The following ZNF730 variants were observed in gnomAD, a reference collection of about 807,000 sequenced individuals.
The protein encoded by ZNF730 is putative zinc finger protein 730.
ZNF730 carries 12 observed loss-of-function variants against 12.6 expected under a neutral mutation model. The observed-to-expected ratio is 0.95, with a 90% confidence interval of 0.61 to 1.54. The LOEUF (loss-of-function observed/expected upper bound fraction) is 1.54, where lower values mean the gene tolerates loss of function less well. Among genes scored for constraint, ZNF730 ranks in the 40% most tolerant of loss-of-function variants. The pLI, the probability that ZNF730 is intolerant of heterozygous loss-of-function variation, is 0.00. For synonymous variants in ZNF730, 194 were observed against 195.8 expected (o/e 0.99, Z 0.08); for missense variants, 643 against 583.5 (o/e 1.10, Z -1.05).
chr19:23,120,716 A>ATCTTCTTGTCT (rs1568311496), intron 1 of ZNF730, among the ~76,000 whole-genome samples: 1 of 151,884 alleles, frequency 6.6e-6, no homozygotes, highest in East Asian at 1.9e-4. Flanking sequence ...ATCAGTTCAG[A>ATCTTCTTGTCT]TCTTCTTGTC....
chr19:23,105,697 T>G (rs1002470946), intron 1 of ZNF730, among the ~76,000 whole-genome samples: 1 of 152,200 alleles, frequency 6.6e-6, no homozygotes, highest in Non-Finnish European at 1.5e-5. Flanking sequence ...TCCTAGGTCA[T>G]TACTAAAGCA....
chr19:23,093,199 C>T (rs1347614061), intron 1 of ZNF730, among the ~76,000 whole-genome samples: 1 of 152,178 alleles, frequency 6.6e-6, no homozygotes, highest in Non-Finnish European at 1.5e-5. Context: ...TGTTCTCGAA[C>T]TCCTGATCTC....
At chr19:23,139,682 G>A (rs1970886228) in intron 3 of ZNF730, among the ~76,000 whole-genome samples, 1 of 151,960 alleles carries the variant, frequency 6.6e-6, no homozygotes, top group African/African-American at 2.4e-5. Flanking sequence ...CTGCCACCAT[G>A]CCTGGCTAAT....
chr19:23,134,158 T>A lies in ZNF730; in HGVS notation c.82T>A (p.Leu28Ile), dbSNP rs770482750. ...ATGTCTGGACACCGAACAACAGAATTTATATAGAAATGTAATGTTAGATAA... is the reference window on the plus strand; with the variant it reads ...ATGTCTGGACACCGAACAACAGAATATATATAGAAATGTAATGTTAGATAA... ...WQCLDTEQQN[L>I]YRNVMLDNYR... is the part of the protein sequence containing the mutation. The change falls in exon 2 of 4, where the codon TTA becomes ATA. Residue 28 changes from leucine (L) to isoleucine (I), a missense_variant. By Grantham distance (5) the Leu-to-Ile change is conservative (BLOSUM62 2). Transcript: ENST00000597761. 1 of 1,612,946 alleles carries A rather than the reference T, an allele frequency of 6.2e-7. No individual in the cohort carries two copies. The highest frequency in any genetic ancestry group is 1.1e-5 in the South Asian group (1 of 90,838).
chr19:23,134,786 G>A (rs1215861979), intron 2 of ZNF730, among the ~76,000 whole-genome samples: 6 of 138,302 alleles, frequency 4.3e-5, no homozygotes, highest in Non-Finnish European at 6.3e-5. Context: ...ATAGAAAGGC[G>A]GGAAGAGTGG....
intron 1 of ZNF730, among the ~76,000 whole-genome samples, chr19:23,120,445 A>AT (rs1462601930): frequency 9.4e-5 from 14 of 148,526 alleles, no homozygotes; most frequent in Admixed American, 2.7e-4. Flanking sequence ...TTTTTTTTAG[A>AT]TTTTCTAGTT....
At position 23,146,013 on chromosome 19, in the gene ZNF730, G is replaced by A. The variant is rs1204020278; in HGVS notation, c.969G>A (p.Trp323Ter). Residue 323 changes from tryptophan to a stop codon, truncating the protein, a stop_gained, in exon 4 of 4, where the codon TGG becomes TGA. Coordinates refer to ENST00000597761, the MANE Select transcript of ZNF730 (RefSeq NM_001277403.2). LOFTEE classifies it low-confidence loss of function (END_TRUNC). ...KCEKCGKAFK[W>*]SSTLTKHKRI... is the part of the protein sequence containing the mutation. Reference sequence around the variant, plus strand: ...AAAAATGTGGCAAAGCTTTTAAGTGGTCCTCAACCCTTACAAAACATAAAA... The same window carrying A: ...AAAAATGTGGCAAAGCTTTTAAGTGATCCTCAACCCTTACAAAACATAAAA... 2 of 1,606,114 alleles carry A rather than the reference G, an allele frequency of 1.2e-6. No homozygotes were observed. Among genetic ancestry groups the A allele is most frequent in the African/African-American group, 1.4e-5 (1 of 74,022 alleles).
intron 1 of ZNF730, among the ~76,000 whole-genome samples, chr19:23,094,342 G>A (rs1305169239): frequency 6.7e-6 from 1 of 149,058 alleles, no homozygotes; most frequent in Non-Finnish European, 1.5e-5. Context: ...ACAGGTGTGA[G>A]CCACCATGCC....
At chr19:23,136,190 A>T (rs573562519) in intron 3 of ZNF730, 147 bp downstream of exon 3, 1 of 565,436 alleles carries the variant, frequency 1.8e-6, no homozygotes, top group East Asian at 4.6e-5. Flanking sequence ...CTTTTTATTT[A>T]TTTTTTTTCC....
chr19:23,084,755 C>T (rs1388748949), intron 1 of ZNF730, among the ~76,000 whole-genome samples: 1 of 152,130 alleles, frequency 6.6e-6, no homozygotes, highest in Non-Finnish European at 1.5e-5. Flanking sequence ...GGATAATGGC[C>T]TCCAGCTCTG....
intron 1 of ZNF730, among the ~76,000 whole-genome samples, chr19:23,095,978 A>G (rs906339624): frequency 6.6e-6 from 1 of 152,144 alleles, no homozygotes; most frequent in African/African-American, 2.4e-5. Flanking sequence ...GGACCTGTCC[A>G]CAGTGGAGAG....
At chr19:23,084,405 T>C (rs1970021488) in intron 1 of ZNF730, among the ~76,000 whole-genome samples, 1 of 152,214 alleles carries the variant, frequency 6.6e-6, no homozygotes, top group South Asian at 2.1e-4. Flanking sequence ...CCTAGACAAG[T>C]GGCAGATTAC....
intron 1 of ZNF730, among the ~76,000 whole-genome samples, chr19:23,085,238 T>C (rs975440300): frequency 3.4e-4 from 51 of 152,204 alleles, no homozygotes; most frequent in African/African-American, 1.2e-3. Context: ...TCAGATGATT[T>C]TGATCACACA....
At chr19:23,124,317 A>G (rs1169137395) in intron 1 of ZNF730, among the ~76,000 whole-genome samples, 1 of 152,228 alleles carries the variant, frequency 6.6e-6, no homozygotes, top group Non-Finnish European at 1.5e-5. Context: ...CAAGCATCTT[A>G]GGAGTGAAAG....
At chr19:23,114,393 G>A (rs1970492796), upstream of ZNF730, among the ~76,000 whole-genome samples, 2 of 138,116 alleles carry the variant, frequency 1.4e-5, no homozygotes, top group South Asian at 2.4e-4. Context: ...TGCAAGCTCC[G>A]CCTCCCGGGT....
At chr19:23,135,821 A>G (rs1244282013) in intron 2 of ZNF730, 127 bp from the exon 3 acceptor site, 5 of 938,236 alleles carry the variant, frequency 5.3e-6, no homozygotes, top group Admixed American at 3.3e-5. Context: ...TATTTAGAAA[A>G]TTTTTATAAA....
chr19:23,095,704 A>G (rs1440642582), intron 1 of ZNF730: 3 of 358,044 alleles, frequency 8.4e-6, no homozygotes, highest in Non-Finnish European at 1.5e-5. Flanking sequence ...TACAAGGTGC[A>G]TTGTGACATA....
rs1453602913 is a variant in ZNF730, at chr19:23,136,008, A to G, written c.191A>G (p.Asn64Ser). 1.2e-6 allele frequency: 2 copies of G among 1,608,686 alleles called. No homozygotes were observed. Among genetic ancestry groups the G allele is most frequent in the Non-Finnish European group, 1.7e-6 (2 of 1,177,324 alleles). Residue 64 changes from asparagine to serine, a missense_variant, in exon 3 of 4, where the codon AAT becomes AGT. Transcript: ENST00000597761. ...TCLEQEKEPW[N>S]LKTHDMVAKP... ...CTGGAGCAAGAAAAAGAGCCTTGGA[A>G]TTTGAAGACACATGATATGGTAGCC...
chr19:23,134,493 C>T (rs1409118634), intron 2 of ZNF730, among the ~76,000 whole-genome samples: 1 of 146,640 alleles, frequency 6.8e-6, no homozygotes, highest in East Asian at 2.1e-4. Context: ...AGCCCCCCGC[C>T]CGGCCGGCCG....
Sources: allele counts gnomAD v4.1 joint callset (sites outside exome capture counted in the v4.1 genomes callset), GRCh38; gene constraint gnomAD v4.1.1; transcripts MANE v1.5; gene names NCBI Gene and HGNC (gene_info 2026-07-23, HGNC 2026-07-21).